The following RBM6 variants were observed in gnomAD, a reference collection of about 807,000 sequenced individuals.
RBM6 encodes the protein RNA binding motif protein 6.
Under a neutral mutation model 140.4 loss-of-function variants are expected in RBM6, and 23 were observed. That is an observed-to-expected ratio of 0.16 (90% CI 0.12 to 0.23). The LOEUF is 0.23. Ranked by LOEUF, RBM6 falls within the 10% of genes least tolerant of loss-of-function variation. The probability of loss-of-function intolerance (pLI) is 1.00; values close to 1 mark genes in which losing one functional copy is unlikely to be tolerated. For synonymous variants in RBM6, 439 were observed against 475.6 expected (o/e 0.92, Z 1.00); for missense variants, 1,139 against 1,386.7 (o/e 0.82, Z 2.84).
At chr3:49,994,695 T>TGTGTGTGTGTG (rs1553646032) in intron 5 of RBM6, among the ~76,000 whole-genome samples, 1 of 151,712 alleles carries the variant, frequency 6.6e-6, no homozygotes, top group Non-Finnish European at 1.5e-5. Flanking sequence ...TGTGTGTGTG[T>TGTGTGTGTGTG]TTTCCTCTCA....
intron 6 of RBM6, among the ~76,000 whole-genome samples, chr3:50,011,610 C>T (rs2086853994): frequency 2.0e-5 from 3 of 152,126 alleles, no homozygotes; most frequent in Admixed American, 1.3e-4. Flanking sequence ...ATATGTCTTT[C>T]TTAGAGGCCT....
chr3:50,068,462 C>A lies in RBM6; in HGVS notation c.2944-228C>A, dbSNP rs2090187199. 2.6e-5 allele frequency among the ~76,000 whole-genome samples: 4 copies of A among 152,170 alleles called. No individual in the cohort carries two copies. The South Asian group carries it at 8.3e-4, about 31-fold the overall frequency. ...GATAAAGAGATAGATATTTGTTTCC[C>A]ACATCTTGGAGATAAGTAAAATGAT... On this transcript the variant is annotated intron_variant, in intron 17 of 20. Coordinates refer to ENST00000266022, the MANE Select transcript of RBM6 (RefSeq NM_005777.3).
At chr3:49,994,672 GTGT>G (rs1256543128) in intron 5 of RBM6, among the ~76,000 whole-genome samples, 1 of 148,970 alleles carries the variant, frequency 6.7e-6, no homozygotes, top group Non-Finnish European at 1.5e-5. Flanking sequence ...GCTGTGGGGT[GTGT>G]GTGTGTGTGT....
intron 6 of RBM6, among the ~76,000 whole-genome samples, chr3:50,006,099 C>T (rs1010724528): frequency 5.3e-5 from 8 of 149,778 alleles, no homozygotes; most frequent in Non-Finnish European, 8.8e-5. Context: ...CTCACTGGTT[C>T]GCCCAGGCTG....
At chr3:50,034,241 C>T (rs942702214) in intron 6 of RBM6, among the ~76,000 whole-genome samples, 1 of 151,924 alleles carries the variant, frequency 6.6e-6, no homozygotes, top group Non-Finnish European at 1.5e-5. Context: ...ACCTCGGCAT[C>T]CCGAAGTGCT....
intron 5 of RBM6, among the ~76,000 whole-genome samples, chr3:49,977,038 CT>C (rs2085093146): frequency 1.3e-5 from 2 of 152,128 alleles, no homozygotes; most frequent in Admixed American, 1.3e-4. Flanking sequence ...ATAGGATGAA[CT>C]TTTGACAATA....
At chr3:50,055,317 C>G (rs1197653919) in intron 8 of RBM6, among the ~76,000 whole-genome samples, 26 of 152,174 alleles carry the variant, frequency 1.7e-4, no homozygotes. Context: ...GGAATCCCAG[C>G]TCCTTGGGAG....
intron 5 of RBM6, chr3:49,981,536 G>C (rs1007310590): frequency 2.6e-5 from 4 of 152,164 alleles, no homozygotes; most frequent in Non-Finnish European, 4.4e-5. Context: ...TTAATAATAA[G>C]CAAGTGGACC....
chr3:49,970,326 C>G (rs930619753), intron 3 of RBM6, among the ~76,000 whole-genome samples: 1 of 152,144 alleles, frequency 6.6e-6, no homozygotes, highest in African/African-American at 2.4e-5. Flanking sequence ...GCAGTCCCCC[C>G]ACCTTAGCTT....
At chr3:50,014,876 A>G (rs2087035318) in intron 6 of RBM6, among the ~76,000 whole-genome samples, 1 of 151,848 alleles carries the variant, frequency 6.6e-6, no homozygotes. Context: ...GTGTTCATTA[A>G]TGAATGAAAA....
At chr3:50,023,399 G>A (rs2087620819) in intron 6 of RBM6, among the ~76,000 whole-genome samples, 1 of 152,014 alleles carries the variant, frequency 6.6e-6, no homozygotes, top group Non-Finnish European at 1.5e-5. Flanking sequence ...TCCGCCTCCT[G>A]GGTTCAAGCT....
At chr3:49,995,241 C>T (rs1351345137) in intron 5 of RBM6, among the ~76,000 whole-genome samples, 1 of 148,710 alleles carries the variant, frequency 6.7e-6, no homozygotes, top group Non-Finnish European at 1.5e-5. Context: ...TTCCCCTTGC[C>T]CTGTTCTCAT....
At position 49,967,514 on chromosome 3, in the gene RBM6, A is replaced by ATCC. The variant is rs776348472; in HGVS notation, c.99_101dup (p.Pro34dup). On this transcript the variant is annotated inframe_insertion, in exon 3 of 21. Coordinates refer to ENST00000266022, the MANE Select transcript of RBM6 (RefSeq NM_005777.3). The surrounding 1 kb of genome is among the most constrained non-coding windows in gnomAD (Gnocchi z 4.0). Reference sequence around the variant, plus strand: ...TTTGCTCCCGGGTGGAACAGGGATTATCCTCCTCCTCCCCTTAAGAGTCAT... The same window carrying ATCC: ...TTTGCTCCCGGGTGGAACAGGGATTATCCTCCTCCTCCTCCCCTTAAGAGTCAT... The ATCC allele has an allele frequency of 7.4e-6, 12 of 1,614,118 alleles. No individual in the cohort carries two copies. Among genetic ancestry groups the ATCC allele is most frequent in the Non-Finnish European group, 1.0e-5 (12 of 1,180,022 alleles).
chr3:50,005,720 A>G (rs1418946340), intron 6 of RBM6, among the ~76,000 whole-genome samples: 3 of 152,216 alleles, frequency 2.0e-5, no homozygotes, highest in East Asian at 3.8e-4. Context: ...CTAAACAACT[A>G]TCACCCCAAA....
chr3:50,020,595 C>G (rs1483981071), intron 6 of RBM6, among the ~76,000 whole-genome samples: 1 of 152,092 alleles, frequency 6.6e-6, no homozygotes, highest in Non-Finnish European at 1.5e-5. Flanking sequence ...GTGTTAATCC[C>G]CATACAGTTA....
chr3:49,993,047 T>C (rs538004595), intron 5 of RBM6, among the ~76,000 whole-genome samples: 19 of 152,240 alleles, frequency 1.2e-4, no homozygotes, highest in Non-Finnish European at 2.6e-4. Context: ...TTTTGACTTA[T>C]GTAGCATCTT....
At chr3:49,977,429 A>G (rs1431199134) in intron 5 of RBM6, among the ~76,000 whole-genome samples, 4 of 152,036 alleles carry the variant, frequency 2.6e-5, no homozygotes, top group Non-Finnish European at 5.9e-5. Flanking sequence ...CACTGATTGG[A>G]TATTTCTATC....
At chr3:50,048,367 A>G in intron 7 of RBM6, 48 bp downstream of exon 7, 2 of 1,589,690 alleles carry the variant, frequency 1.3e-6, no homozygotes, top group Admixed American at 1.7e-5. Flanking sequence ...CTGGAATAAC[A>G]GCTCCTCCAT....
In RBM6 at chr3:49,968,736, A is replaced by G. The variant is rs761914276; in HGVS notation, c.1311A>G (p.Gln437=). The change falls in exon 3 of 21, where the codon CAA becomes CAG. Residue 437 remains glutamine (Q), a synonymous_variant. Coordinates refer to ENST00000266022, the MANE Select transcript of RBM6 (RefSeq NM_005777.3). ...AGGGCAAAACTGCCCGAGATGCCCA[A>G]CGGGACCTTCAGGTATGTTGATGGG... The part of the protein sequence containing the change: ...FPEGKTARDA[Q]RDLQDQDYRT... 8 of 1,571,236 alleles carry G rather than the reference A, an allele frequency of 5.1e-6. No individual in the cohort carries two copies. The highest frequency in any genetic ancestry group is 4.8e-5 in the East Asian group (2 of 41,372).
Sources: gnomAD v4.1 joint callset for allele counts (sites outside exome capture counted in the v4.1 genomes callset) on GRCh38, gnomAD v4.1.1 for gene constraint, Gnocchi (gnomAD v3.1) non-coding constraint, MANE v1.5 for transcripts, NCBI Gene and HGNC (gene_info 2026-07-23, HGNC 2026-07-21) for gene names.